Variants in PLEKHH2 observed in about 807,000 individuals in gnomAD.
PLEKHH2 encodes the protein pleckstrin homology, MyTH4 and FERM domain containing H2, also known as pleckstrin homology domain-containing family H member 2.
PLEKHH2 carries 129 observed loss-of-function variants against 187.9 expected under a neutral mutation model. The observed-to-expected ratio is 0.69, with a 90% confidence interval of 0.59 to 0.79. PLEKHH2 has a LOEUF of 0.79. Ranked by LOEUF, PLEKHH2 falls within the 30% of genes least tolerant of loss-of-function variation. The pLI, the probability that PLEKHH2 is intolerant of heterozygous loss-of-function variation, is 0.00. For synonymous variants in PLEKHH2, 686 were observed against 605.6 expected, an observed-to-expected ratio of 1.13 and a Z score of -1.95; for missense variants, 2,076 against 1,751.2, an observed-to-expected ratio of 1.19 and a Z score of -3.31.
intron 2 of PLEKHH2, chr2:43,676,170 G>T (rs777861497): frequency 1.2e-6 from 2 of 1,614,014 alleles, no homozygotes; most frequent in Non-Finnish European, 1.7e-6. Flanking sequence ...TTAAGAAATC[G>T]TTCCTGTTAG....
intron 18 of PLEKHH2, 56 bp downstream of exon 18, chr2:43,729,801 C>T (rs1043333889): frequency 1.7e-5 from 21 of 1,249,138 alleles, no homozygotes; most frequent in Middle Eastern, 1.9e-4. Context: ...GACCTCAACC[C>T]GCTTAGCCTA....
chr2:43,672,607 A>G (rs1183600835), intron 2 of PLEKHH2, among the ~76,000 whole-genome samples: 1 of 152,116 alleles, frequency 6.6e-6, no homozygotes, highest in Non-Finnish European at 1.5e-5. Flanking sequence ...CCCTTTTTCT[A>G]TGTACTTTCA....
intron 20 of PLEKHH2, among the ~76,000 whole-genome samples, chr2:43,739,281 A>C (rs1015581704): frequency 4.6e-5 from 7 of 152,126 alleles, no homozygotes; most frequent in African/African-American, 1.7e-4. Flanking sequence ...AGTATATTTT[A>C]AATTCTTACC....
At chr2:43,715,388 C>CT (rs1670167585) in intron 15 of PLEKHH2, among the ~76,000 whole-genome samples, 1 of 152,098 alleles carries the variant, frequency 6.6e-6, no homozygotes, top group Admixed American at 6.5e-5. Context: ...CTATTTTTGT[C>CT]TTTTTAAGGA....
chr2:43,654,798 G>A (rs192767189), intron 2 of PLEKHH2, among the ~76,000 whole-genome samples: 2 of 151,504 alleles, frequency 1.3e-5, no homozygotes, highest in African/African-American at 4.9e-5. Context: ...AGGCTGAGGT[G>A]GGCAGATCAC....
intron 9 of PLEKHH2, among the ~76,000 whole-genome samples, chr2:43,705,551 C>T (rs1407744294): frequency 1.3e-5 from 2 of 152,152 alleles, no homozygotes; most frequent in Admixed American, 1.3e-4. Context: ...AGCCACTACA[C>T]TTAGCTAGGA....
intron 4 of PLEKHH2, 110 bp from the exon 5 acceptor site, chr2:43,694,321 A>G: frequency 1.6e-6 from 2 of 1,230,914 alleles, no homozygotes; most frequent in Non-Finnish European, 1.1e-6. Context: ...AAGCAGATAT[A>G]GTAACTTGGA....
intron 2 of PLEKHH2, among the ~76,000 whole-genome samples, chr2:43,671,011 T>C (rs911865201): frequency 6.6e-6 from 1 of 151,628 alleles, no homozygotes; most frequent in Admixed American, 6.6e-5. Flanking sequence ...TGAGATGAAG[T>C]GTCGCCCTTG....
At chr2:43,675,763 AAGACAATCCCTCCTTCCAC>A in intron 2 of PLEKHH2, 1 of 1,613,730 alleles carries the variant, frequency 6.2e-7, no homozygotes, top group Non-Finnish European at 8.5e-7. Flanking sequence ...CTCTCTGCTT[AAGACAATCCCTCCTTCCAC>A]AGTCACGTAT....
chr2:43,689,129 G>GT (rs1668672920), intron 3 of PLEKHH2, among the ~76,000 whole-genome samples: 1 of 152,190 alleles, frequency 6.6e-6, no homozygotes, highest in Admixed American at 6.5e-5. Flanking sequence ...GGCATCAGAG[G>GT]TTGTCTCCCA....
intron 15 of PLEKHH2, 140 bp from the exon 16 acceptor site, chr2:43,720,529 G>A (rs1670431707): frequency 7.5e-7 from 1 of 1,339,456 alleles, no homozygotes; most frequent in Non-Finnish European, 1.0e-6. Flanking sequence ...ATCTTAAACA[G>A]CACTGGACAA....
At chr2:43,682,370 C>G (rs1668237013) in intron 3 of PLEKHH2, among the ~76,000 whole-genome samples, 1 of 151,990 alleles carries the variant, frequency 6.6e-6, no homozygotes, top group Admixed American at 6.6e-5. Context: ...GCAGTGGTGC[C>G]ATCTCAGCTC....
intron 2 of PLEKHH2, chr2:43,676,139 A>G (rs770255537): frequency 1.9e-6 from 3 of 1,614,022 alleles, no homozygotes; most frequent in Non-Finnish European, 1.7e-6. Flanking sequence ...CTGAGCTCCA[A>G]GAGTATCACT....
At chr2:43,694,601 A>C in intron 5 of PLEKHH2, 87 bp downstream of exon 5, 18 of 1,361,878 alleles carry the variant, frequency 1.3e-5, no homozygotes, top group Non-Finnish European at 1.7e-5. Flanking sequence ...ACTCTGAGTA[A>C]AACAAAGAAT....
intron 2 of PLEKHH2, among the ~76,000 whole-genome samples, chr2:43,649,772 A>G (rs958491925): frequency 6.6e-6 from 1 of 152,230 alleles, no homozygotes; most frequent in African/African-American, 2.4e-5. Context: ...TGGTGGTAGA[A>G]TCTTTCATGG....
At chr2:43,660,453 T>G (rs1263241789) in intron 2 of PLEKHH2, among the ~76,000 whole-genome samples, 1 of 150,892 alleles carries the variant, frequency 6.6e-6, no homozygotes, top group East Asian at 1.9e-4. Flanking sequence ...TTTTTTTTTT[T>G]TGCCAATTAA....
chr2:43,703,252 C>A (rs1003893260), intron 8 of PLEKHH2, among the ~76,000 whole-genome samples: 3 of 152,200 alleles, frequency 2.0e-5, no homozygotes, highest in African/African-American at 7.2e-5. Context: ...GCATTAGGAA[C>A]CACCTGTGGT....
At chr2:43,686,881 T>A (rs1408544999) in intron 3 of PLEKHH2, among the ~76,000 whole-genome samples, 1 of 152,160 alleles carries the variant, frequency 6.6e-6, no homozygotes, top group Non-Finnish European at 1.5e-5. Context: ...TCTTATGAGA[T>A]CCCATCCAAG....
Position 43,701,101 on chromosome 2 carries a change from T to A in PLEKHH2, c.1650+493T>A, listed in dbSNP as rs182827612. The stretch of plus-strand genomic sequence containing the variant: ...ATCAAGGTATTACCTTATTTACTGA[T>A]AAAACTAATTTTAGAGAATTAGTGG... On this transcript the variant is annotated intron_variant, in intron 8 of 29. Transcript: ENST00000282406. 3.9e-5 allele frequency among the ~76,000 whole-genome samples: 6 copies of A among 152,348 alleles called. No individual in the cohort carries two copies. In the East Asian group the frequency reaches 1.2e-3, roughly 29 times the overall value.
Sources: gnomAD v4.1 joint callset for allele counts (sites outside exome capture counted in the v4.1 genomes callset) on GRCh38, gnomAD v4.1.1 for gene constraint, MANE v1.5 for transcripts, NCBI Gene and HGNC (gene_info 2026-07-23, HGNC 2026-07-21) for gene names.